ADAM22: variants seen among roughly 807,000 people sequenced by gnomAD.
ADAM22 encodes disintegrin and metalloproteinase domain-containing protein 22.
Under a neutral mutation model 144.6 loss-of-function variants are expected in ADAM22, and 65 were observed. The ratio of observed to expected loss-of-function variants is 0.45; its 90% confidence interval spans 0.37 to 0.55. The LOEUF (loss-of-function observed/expected upper bound fraction) is 0.55. Among genes scored for constraint, ADAM22 ranks in the 20% least tolerant of loss-of-function variants. The pLI, the probability that ADAM22 is intolerant of heterozygous loss-of-function variation, is 0.00. For missense variants in ADAM22, 974 were observed against 1,184.9 expected (o/e 0.82, Z 2.61); for synonymous variants, 391 against 412.6 (o/e 0.95, Z 0.63).
chr7:88,031,475 T>C (rs181419207), intron 3 of ADAM22, among the ~76,000 whole-genome samples: 127 of 152,362 alleles, frequency 8.3e-4, no homozygotes, highest in African/African-American at 2.7e-3. Flanking sequence ...AAGGTCACTC[T>C]TGCTTTGCTT....
intron 3 of ADAM22, among the ~76,000 whole-genome samples, chr7:88,038,981 A>G (rs979975036): frequency 2.0e-5 from 3 of 150,988 alleles, no homozygotes; most frequent in East Asian, 2.0e-4. Context: ...GGTTTTCACT[A>G]TGTTGCCCAG....
At chr7:88,175,236 C>G (rs1014860110) in intron 26 of ADAM22, among the ~76,000 whole-genome samples, 2 of 151,984 alleles carry the variant, frequency 1.3e-5, no homozygotes, top group African/African-American at 4.8e-5. Flanking sequence ...GCTAACATAA[C>G]AACTAGATGA....
intron 14 of ADAM22, among the ~76,000 whole-genome samples, chr7:88,139,868 C>G (rs1834098628): frequency 6.6e-6 from 1 of 152,110 alleles, no homozygotes; most frequent in African/African-American, 2.4e-5. Context: ...ATACTGGATC[C>G]TGTCATTCAG....
At chr7:88,101,020 G>C (rs7793308) in intron 4 of ADAM22, among the ~76,000 whole-genome samples, 58,001 of 149,672 alleles carry the variant, frequency 0.39, 13,176 homozygotes, top group East Asian at 0.84. Flanking sequence ...ATGCAGTAGG[G>C]TTCAAGGACA....
At chr7:87,990,279 C>T (rs1276415382) in intron 3 of ADAM22, among the ~76,000 whole-genome samples, 1 of 152,188 alleles carries the variant, frequency 6.6e-6, no homozygotes, top group Non-Finnish European at 1.5e-5. Flanking sequence ...CTTTATTGAA[C>T]AGAAGTATAC....
chr7:88,111,519 T>C (rs965608413), intron 5 of ADAM22, among the ~76,000 whole-genome samples: 1 of 152,210 alleles, frequency 6.6e-6, no homozygotes, highest in African/African-American at 2.4e-5. Context: ...CTTGGTGTGT[T>C]TGGTGTTAAT....
At chr7:88,189,119 C>T (rs1014599141) in intron 30 of ADAM22, among the ~76,000 whole-genome samples, 1 of 152,172 alleles carries the variant, frequency 6.6e-6, no homozygotes, top group South Asian at 2.1e-4. Flanking sequence ...GATCAGAGTG[C>T]CTCTGCTGTG....
chr7:87,941,486 C>T (rs538053390), intron 2 of ADAM22, among the ~76,000 whole-genome samples: 6 of 151,790 alleles, frequency 4.0e-5, no homozygotes, highest in Non-Finnish European at 7.4e-5. Context: ...AAGTATTTTG[C>T]GAGGGTAGCA....
chr7:88,008,926 GAAAAAAAAAGAA>G (rs1794693322), intron 3 of ADAM22, among the ~76,000 whole-genome samples: 1 of 146,290 alleles, frequency 6.8e-6, no homozygotes, highest in Admixed American at 6.8e-5. Flanking sequence ...AGAAAAAAAA[GAAAAAAAAAGAA>G]ATATCACTGT....
At chr7:88,083,079 G>A (rs1440008249) in intron 4 of ADAM22, among the ~76,000 whole-genome samples, 1 of 152,144 alleles carries the variant, frequency 6.6e-6, no homozygotes, top group Non-Finnish European at 1.5e-5. Flanking sequence ...CAAAGAGTTG[G>A]AACCAACCCA....
chr7:88,051,870 T>C (rs1348489383), intron 3 of ADAM22, among the ~76,000 whole-genome samples: 1 of 151,744 alleles, frequency 6.6e-6, no homozygotes, highest in Non-Finnish European at 1.5e-5. Context: ...GTAGGAGTTA[T>C]GAGATGAAGT....
At chr7:88,000,619 T>C (rs1242739031) in intron 3 of ADAM22, among the ~76,000 whole-genome samples, 2 of 152,148 alleles carry the variant, frequency 1.3e-5, no homozygotes, top group Admixed American at 1.3e-4. Context: ...TTTATTATAA[T>C]AAATTTTTTA....
chr7:88,099,790 A>G (rs1054946639), intron 4 of ADAM22, among the ~76,000 whole-genome samples: 3 of 152,182 alleles, frequency 2.0e-5, no homozygotes, highest in African/African-American at 7.2e-5. Context: ...TTATACTTTT[A>G]TATTTCATAG....
intron 25 of ADAM22, among the ~76,000 whole-genome samples, chr7:88,170,074 G>A (rs1414024153): frequency 1.3e-5 from 2 of 151,704 alleles, no homozygotes; most frequent in South Asian, 2.1e-4. Flanking sequence ...TATTTTTATG[G>A]CATTCTTTTG....
At chr7:87,944,889 T>G (rs1691419571) in intron 2 of ADAM22, among the ~76,000 whole-genome samples, 1 of 111,958 alleles carries the variant, frequency 8.9e-6, no homozygotes, top group African/African-American at 3.1e-5. Context: ...AGTATTCGGT[T>G]CCTCCTCCTT....
At chr7:87,978,115 G>A (rs993719173) in intron 2 of ADAM22, among the ~76,000 whole-genome samples, 1 of 152,134 alleles carries the variant, frequency 6.6e-6, no homozygotes, top group African/African-American at 2.4e-5. Context: ...TAGAAAAGTA[G>A]GGCACTTGTC....
intron 3 of ADAM22, among the ~76,000 whole-genome samples, chr7:88,041,501 A>T (rs2129471994): frequency 6.6e-6 from 1 of 152,070 alleles, no homozygotes; most frequent in South Asian, 2.1e-4. Context: ...ACTCATCTAT[A>T]TCTATACATT....
intron 4 of ADAM22, among the ~76,000 whole-genome samples, chr7:88,082,539 A>G (rs199950230): frequency 1.5e-3 from 229 of 152,300 alleles, no homozygotes; most frequent in East Asian, 7.7e-3. Flanking sequence ...CCACCATCAG[A>G]GTGAACAGGC....
intron 3 of ADAM22, among the ~76,000 whole-genome samples, chr7:88,061,738 C>T (rs1809921878): frequency 6.6e-6 from 1 of 151,942 alleles, no homozygotes; most frequent in South Asian, 2.1e-4. Flanking sequence ...TCCTAAGGGC[C>T]TTAGGATTCT....
Sources: allele counts gnomAD v4.1 joint callset (sites outside exome capture counted in the v4.1 genomes callset), GRCh38; gene constraint gnomAD v4.1.1; transcripts MANE v1.5; gene names NCBI Gene and HGNC (gene_info 2026-07-23, HGNC 2026-07-21).